SRCIN1: variants seen among roughly 807,000 people sequenced by gnomAD.
SRCIN1 encodes the protein SRC kinase signaling inhibitor 1.
A neutral mutation model predicts 116.2 loss-of-function variants in SRCIN1; 50 were observed. That is an observed-to-expected ratio of 0.43 (90% CI 0.34 to 0.54). The LOEUF is 0.54. Among genes scored for constraint, SRCIN1 ranks in the 20% least tolerant of loss-of-function variants. SRCIN1 has a pLI of 0.02. For synonymous variants in SRCIN1, 736 were observed against 750.0 expected, an observed-to-expected ratio of 0.98 and a Z score of 0.30; for missense variants, 1,446 against 1,672.0, an observed-to-expected ratio of 0.86 and a Z score of 2.36.
At position 38,562,023 on chromosome 17, in the gene SRCIN1, C is replaced by T. The variant is rs1490838143; in HGVS notation, c.1140G>A (p.Leu380=). Residue 380 remains leucine, a synonymous_variant, in exon 7 of 19, where the codon CTG becomes CTA. Transcript: ENST00000617146. The surrounding 1 kb of genome is among the most constrained non-coding windows in gnomAD (Gnocchi z 4.2). The stretch of plus-strand genomic sequence containing the variant: ...GCACCATGCCGCCCGCCTTGCTCGC[C>T]AGGTCCTCGTCCGGCTTCACGTCGC... The part of the protein sequence containing the change: ...ERRDVKPDED[L]ASKAGGMVLV... 6.7e-7 allele frequency: 1 copy of T among 1,493,270 alleles called. No individual in the cohort carries two copies. Among genetic ancestry groups the T allele is most frequent in the Non-Finnish European group, 8.9e-7 (1 of 1,129,498 alleles). 92.5% of individuals were successfully genotyped at this position (1,493,270 alleles called of 1,614,324 possible). A position where few individuals can be genotyped will look rare whatever the true frequency, so the allele number is the denominator to read the frequency against.
chr17:38,554,574 C>T (rs779454682), intron 11 of SRCIN1, among the ~76,000 whole-genome samples: 116 of 152,286 alleles, frequency 7.6e-4, no homozygotes, highest in Non-Finnish European at 1.1e-3. Flanking sequence ...CCCTCCAAAC[C>T]GCTGAAGCTC....
chr17:38,606,862 T>G (rs1031461140), upstream of SRCIN1, among the ~76,000 whole-genome samples: 51 of 152,116 alleles, frequency 3.4e-4, no homozygotes, highest in African/African-American at 1.1e-3. This position sits in a 1 kb window ranked among gnomAD's most constrained non-coding sequence, Gnocchi z 5.2. Context: ...CCTCCCTCGC[T>G]CCGATGCTCT....
Position 38,563,906 on chromosome 17 carries a change from A to G in SRCIN1, c.541+212T>C. The G allele has an allele frequency of 1.6e-6, 1 of 612,970 alleles. No individual in the cohort carries two copies. Among genetic ancestry groups the G allele is most frequent in the Non-Finnish European group, 2.9e-6 (1 of 349,702 alleles). 38.0% of individuals were successfully genotyped at this position (612,970 alleles called of 1,614,324 possible). A position where few individuals can be genotyped will look rare whatever the true frequency, so the allele number is the denominator to read the frequency against. On this transcript the variant is annotated intron_variant, in intron 4 of 18. Coordinates refer to ENST00000617146, the MANE Select transcript of SRCIN1 (RefSeq NM_025248.3). This position sits in a 1 kb window ranked among gnomAD's most constrained non-coding sequence, Gnocchi z 5.8. Reference sequence around the variant, plus strand: ...GGACAGAAAAGGAAGCAAGAGGGAGAGAGGAGGCTTGGAGGGAAAGGGGTC... The same window carrying G: ...GGACAGAAAAGGAAGCAAGAGGGAGGGAGGAGGCTTGGAGGGAAAGGGGTC...
At chr17:38,581,130 G>A (rs983350979) in intron 1 of SRCIN1, among the ~76,000 whole-genome samples, 4 of 152,092 alleles carry the variant, frequency 2.6e-5, no homozygotes, top group Non-Finnish European at 4.4e-5. Context: ...CCGCGGACCA[G>A]GCACGATGAC....
rs1019389615 is a variant in SRCIN1, at chr17:38,544,303, C to G, written c.3271-334G>C. 3.3e-5 allele frequency among the ~76,000 whole-genome samples: 5 copies of G among 152,110 alleles called. No individual in the cohort carries two copies. Among genetic ancestry groups the G allele is most frequent in the African/African-American group, 1.2e-4 (5 of 41,438 alleles). On this transcript the variant is annotated intron_variant, in intron 17 of 18. Transcript: ENST00000617146. The surrounding 1 kb of genome is among the most constrained non-coding windows in gnomAD (Gnocchi z 4.5). ...TAAAGTGAGGGTCCCCAGCAGCAACCCCACTCCCGGCAAGGGGCACCATCT... is the reference window on the plus strand; with the variant it reads ...TAAAGTGAGGGTCCCCAGCAGCAACGCCACTCCCGGCAAGGGGCACCATCT...
At chr17:38,555,248 T>C (rs1427964190) in intron 11 of SRCIN1, among the ~76,000 whole-genome samples, 1 of 152,202 alleles carries the variant, frequency 6.6e-6, no homozygotes, top group Non-Finnish European at 1.5e-5. Context: ...TTAACTGAAG[T>C]CTACCCAATG....
At chr17:38,576,701 C>T (rs913239203) in intron 2 of SRCIN1, among the ~76,000 whole-genome samples, 1 of 151,978 alleles carries the variant, frequency 6.6e-6, no homozygotes, top group Non-Finnish European at 1.5e-5. Context: ...TTCCCTCCAA[C>T]CCTCCTATTT....
chr17:38,562,780 C>A lies in SRCIN1; in HGVS notation c.834+47G>T. The A allele has an allele frequency of 6.5e-7, 1 of 1,549,764 alleles. No individual in the cohort carries two copies. Among genetic ancestry groups the A allele is most frequent in the Non-Finnish European group, 8.9e-7 (1 of 1,127,252 alleles). On this transcript the variant is annotated intron_variant, in intron 6 of 18. Coordinates refer to ENST00000617146, the MANE Select transcript of SRCIN1 (RefSeq NM_025248.3). This position sits in a 1 kb window ranked among gnomAD's most constrained non-coding sequence, Gnocchi z 4.2. ...ACTGCCCAGACCCTGCTCCCCTGGA[C>A]CCCATGTGCCCAGCCTCCCCAATGC...
At chr17:38,538,715 C>T (rs1904547539) in intron 18 of SRCIN1, among the ~76,000 whole-genome samples, 1 of 152,138 alleles carries the variant, frequency 6.6e-6, no homozygotes, top group African/African-American at 2.4e-5. Context: ...CTAGAATTCT[C>T]GTCACAAGCG....
At chr17:38,570,578 T>C (rs997696486) in intron 2 of SRCIN1, among the ~76,000 whole-genome samples, 1 of 152,222 alleles carries the variant, frequency 6.6e-6, no homozygotes, top group Non-Finnish European at 1.5e-5. Flanking sequence ...TAGAAGATGT[T>C]CTGTCCCCCA....
intron 2 of SRCIN1, among the ~76,000 whole-genome samples, chr17:38,571,125 CTG>C (rs765427452): frequency 2.6e-5 from 4 of 152,184 alleles, no homozygotes; most frequent in Non-Finnish European, 4.4e-5. Flanking sequence ...ATCCCCTTCT[CTG>C]TCTCTTTCCA....
rs1412993973 is a variant in SRCIN1, at chr17:38,559,614, C to T, written c.1996G>A (p.Gly666Ser). ...AGCTTGCGCAACTGCTGGAGCTGGC[C>T]GCGCAAGTCACTGGCGCTGTTCTGC... ...GLQNSASDLR[G>S]QLQQLRKLQL... is the part of the protein sequence containing the mutation. The change falls in exon 10 of 19, where the codon GGC becomes AGC. Residue 666 changes from glycine (G) to serine (S), a missense_variant. Physicochemically the swap from Gly to Ser is moderately conservative, Grantham distance 56 (BLOSUM62 0). This residue lies in a region of SRCIN1 where 398 missense variants were observed against 385.6 expected (regional missense o/e 1.03). Transcript: ENST00000617146. 2 of 1,602,282 alleles carry T rather than the reference C, an allele frequency of 1.2e-6. No individual in the cohort carries two copies. The highest frequency in any genetic ancestry group is 1.1e-5 in the South Asian group (1 of 90,944).
Position 38,543,917 on chromosome 17 carries a change from C to G in SRCIN1, c.3323G>C (p.Arg1108Pro). Residue 1108 changes from arginine (R) to proline (P), a missense_variant, in exon 18 of 19, where the codon CGG becomes CCG. Around this residue, in one of 5 missense-constraint regions of SRCIN1, gnomAD observed 531 missense variants for 633.9 expected, o/e 0.84. Coordinates refer to ENST00000617146, the MANE Select transcript of SRCIN1 (RefSeq NM_025248.3). Reference protein sequence around the residue: ...PMKVVTPGASRLKAAQGQAGS... With the variant: ...PMKVVTPGASPLKAAQGQAGS... The stretch of plus-strand genomic sequence containing the variant: ...CGCCTGGCCCTGGGCCGCCTTCAGC[C>G]GAGAGGCCCCCGGAGTCACCACCTT... 6.2e-7 allele frequency: 1 copy of G among 1,602,936 alleles called. No individual in the cohort carries two copies. The highest frequency in any genetic ancestry group is 1.1e-5 in the South Asian group (1 of 90,428).
chr17:38,563,051 C>T lies in SRCIN1; in HGVS notation c.741-131G>A. On this transcript the variant is annotated intron_variant, in intron 5 of 18. Transcript: ENST00000617146. The surrounding 1 kb of genome is among the most constrained non-coding windows in gnomAD (Gnocchi z 5.8). ...GGAGCCCCATCTCAGGCTGCCTGCA[C>T]ACACGCCCAGCAGCCTCCACCCCGG... is the stretch of plus-strand genomic sequence containing the variant. 1.2e-6 allele frequency: 1 copy of T among 843,816 alleles called. No individual in the cohort carries two copies. The highest frequency in any genetic ancestry group is 1.6e-5 in the South Asian group (1 of 63,542). 52.3% of individuals were successfully genotyped at this position (843,816 alleles called of 1,614,324 possible).
In SRCIN1 at chr17:38,564,195, C is replaced by T. The variant is rs1350347587; in HGVS notation, c.464G>A (p.Gly155Asp). Residue 155 changes from glycine to aspartate, a missense_variant, in exon 4 of 19, where the codon GGC (glycine) becomes GAC (aspartate). Gly to Asp is a moderately conservative substitution (Grantham distance 94, BLOSUM62 -1). Transcript: ENST00000617146. ...ETMSEAELPL[G>D]FSRMNRFRQS... ...TCGGAAGCGGTTCATCCTGCTGAAG[C>T]CCAGGGGCAGCTCGGCCTCCGACAT... 1.0e-5 allele frequency: 16 copies of T among 1,591,056 alleles called. No homozygotes were observed. Among genetic ancestry groups the T allele is most frequent in the Admixed American group, 1.8e-5 (1 of 56,770 alleles).
intron 2 of SRCIN1, among the ~76,000 whole-genome samples, chr17:38,577,416 G>A (rs573809578): frequency 6.6e-6 from 1 of 152,372 alleles, no homozygotes; most frequent in African/African-American, 2.4e-5. Context: ...CGGAACTGGA[G>A]GTGGCACTAG....
At position 38,552,882 on chromosome 17, in the gene SRCIN1, C is replaced by A; in HGVS notation, c.2202-27G>T. On this transcript the variant is annotated intron_variant, in intron 11 of 18. Transcript: ENST00000617146. The surrounding 1 kb of genome is among the most constrained non-coding windows in gnomAD (Gnocchi z 5.3). Reference sequence around the variant, plus strand: ...TGCAGCCACAGAGAGACCCTTTCAGCCCTTTTGGCCTGAGATGCCAGCCCA... The same window carrying A: ...TGCAGCCACAGAGAGACCCTTTCAGACCTTTTGGCCTGAGATGCCAGCCCA... 6.3e-7 allele frequency: 1 copy of A among 1,599,180 alleles called. No homozygotes were observed. The highest frequency in any genetic ancestry group is 1.1e-5 in the South Asian group (1 of 89,158).
In SRCIN1 at chr17:38,563,309, C is replaced by G; in HGVS notation, c.740+14G>C. The G allele has an allele frequency of 1.3e-6, 2 of 1,563,494 alleles. No homozygotes were observed. Among genetic ancestry groups the G allele is most frequent in the South Asian group, 1.2e-5 (1 of 84,660 alleles). ...TGGGGAAGCCCACCCAAATCCCCCC[C>G]GGTCCACGCCCACCGGACGTCCTCC... On this transcript the variant is annotated intron_variant, in intron 5 of 18. Coordinates refer to ENST00000617146, the MANE Select transcript of SRCIN1 (RefSeq NM_025248.3). This position sits in a 1 kb window ranked among gnomAD's most constrained non-coding sequence, Gnocchi z 5.8.
Position 38,561,613 on chromosome 17 carries a change from G to C in SRCIN1, c.1550C>G (p.Ser517Cys), listed in dbSNP as rs1184543951. Residue 517 changes from serine (S) to cysteine (C), a missense_variant, in exon 7 of 19, where the codon TCC becomes TGC. By Grantham distance (112) the Ser-to-Cys change is moderately radical. Transcript: ENST00000617146. ...QSFRKDSGSS[S>C]VFAESPGGKT... ...CCCTCCAGGACTCTCGGCAAAGACG[G>C]ACGAGGAGCCCGAGTCCTTGCGGAA... 1.9e-6 allele frequency: 3 copies of C among 1,590,302 alleles called. No homozygotes were observed. Among genetic ancestry groups the C allele is most frequent in the South Asian group, 1.1e-5 (1 of 89,618 alleles).
Sources: gnomAD v4.1 joint callset for allele counts (sites outside exome capture counted in the v4.1 genomes callset) on GRCh38, gnomAD v4.1.1 for gene constraint, gnomAD v4.1.1 regional missense constraint, Gnocchi (gnomAD v3.1) non-coding constraint, MANE v1.5 for transcripts, NCBI Gene and HGNC (gene_info 2026-07-23, HGNC 2026-07-21) for gene names.